MARCHF7: variants seen among roughly 807,000 people sequenced by gnomAD.
MARCHF7 encodes E3 ubiquitin-protein ligase MARCHF7.
In MARCHF7, 20 loss-of-function variants were observed where a neutral mutation model predicts 76.5. The observed-to-expected ratio is 0.26, with a 90% CI of 0.18 to 0.38. MARCHF7 has a LOEUF of 0.38. Among genes scored for constraint, MARCHF7 ranks in the 10% least tolerant of loss-of-function variants. MARCHF7 has a pLI of 1.00. For missense variants in MARCHF7, 797 were observed against 812.9 expected, an observed-to-expected ratio of 0.98 and a Z score of 0.24; for synonymous variants, 295 against 293.0, an observed-to-expected ratio of 1.01 and a Z score of -0.07.
In MARCHF7 at chr2:159,714,576, G is replaced by A. The variant is rs184993583; in HGVS notation, c.-123G>A. 1.2e-4 allele frequency: 18 copies of A among 152,310 alleles called. 1 individual carries two copies. Among genetic ancestry groups the A allele is most frequent in the Admixed American group, 9.2e-4 (14 of 15,300 alleles). The allele number at this position is 152,310 out of a possible 1,614,324, so 9.4% of individuals were successfully genotyped here. ...TTTTAGGAATTCATGATTTGTTCCT[G>A]TAGCTGAAACATACATTGAATGGTA... On this transcript the variant is annotated 5_prime_UTR_variant, in exon 2 of 12. Coordinates refer to ENST00000409175, the MANE Select transcript of MARCHF7 (RefSeq NM_001282805.2).
At chr2:159,764,502 C>A in intron 10 of MARCHF7, 124 bp from the exon 11 acceptor site, 2 of 531,408 alleles carry the variant, frequency 3.8e-6, no homozygotes, top group South Asian at 6.0e-5. Flanking sequence ...GGAGAAAAAC[C>A]CCTATTTAAA....
chr2:159,713,865 A>C (rs764103449), intron 1 of MARCHF7, among the ~76,000 whole-genome samples: 1 of 152,214 alleles, frequency 6.6e-6, no homozygotes, highest in African/African-American at 2.4e-5. Context: ...GAGAGGATTA[A>C]ATTTGCTGAG....
At chr2:159,757,884 C>G (rs1196722020) in intron 8 of MARCHF7, among the ~76,000 whole-genome samples, 1 of 152,104 alleles carries the variant, frequency 6.6e-6, no homozygotes, top group African/African-American at 2.4e-5. Flanking sequence ...GACTACAGCC[C>G]ATTTTGAGAC....
intron 7 of MARCHF7, 84 bp downstream of exon 7, chr2:159,748,987 T>TTTTTTTTTC (rs1560017930): frequency 3.2e-6 from 4 of 1,232,438 alleles, no homozygotes; most frequent in Admixed American, 3.2e-5. Context: ...TCTTTTTTTT[T>TTTTTTTTTC]TTTTTTTTTG....
chr2:159,747,102 T>A (rs1246010951), intron 6 of MARCHF7, among the ~76,000 whole-genome samples: 2 of 152,198 alleles, frequency 1.3e-5, no homozygotes, highest in Non-Finnish European at 2.9e-5. Context: ...CCTGTAGTAT[T>A]TCTCATCCCA....
At chr2:159,743,927 A>G (rs4664300) in intron 5 of MARCHF7, among the ~76,000 whole-genome samples, 50,851 of 147,072 alleles carry the variant, frequency 0.35, 9,017 homozygotes, top group South Asian at 0.45. Context: ...AAACAAATAC[A>G]GAAACTCTTG....
intron 7 of MARCHF7, among the ~76,000 whole-genome samples, chr2:159,751,498 A>AG (rs1705641071): frequency 1.3e-5 from 2 of 152,194 alleles, no homozygotes; most frequent in Admixed American, 6.5e-5. Context: ...TTTATGCTTG[A>AG]GGTTATGTCT....
chr2:159,742,486 A>C lies in MARCHF7; in HGVS notation c.154-575A>C, dbSNP rs142275109. ...AGGATTTCATTTTCAAAAAGAAAAA[A>C]ACAAATATTAGGAAAAATGATTACA... On this transcript the variant is annotated intron_variant, in intron 4 of 11. Transcript: ENST00000409175. Among the ~76,000 whole-genome samples, 437 of 152,308 alleles carry C rather than the reference A, an allele frequency of 2.9e-3. No individual in the cohort carries two copies. In the Middle Eastern group the frequency reaches 0.044, roughly 15 times the overall value.
At chr2:159,714,129 G>A (rs895920857) in intron 1 of MARCHF7, among the ~76,000 whole-genome samples, 1 of 152,092 alleles carries the variant, frequency 6.6e-6, no homozygotes, top group Non-Finnish European at 1.5e-5. Flanking sequence ...CCAATTTTTA[G>A]TCCGCTCCAT....
intron 6 of MARCHF7, among the ~76,000 whole-genome samples, chr2:159,746,935 T>C (rs1230336120): frequency 6.6e-6 from 1 of 152,234 alleles, no homozygotes; most frequent in Non-Finnish European, 1.5e-5. Context: ...AGAGCTTTAG[T>C]AGACAGTATC....
rs748870347 is a variant in MARCHF7, at chr2:159,748,584, G to A, written c.1294G>A (p.Val432Ile). 12 of 1,614,200 alleles carry A rather than the reference G, an allele frequency of 7.4e-6. No homozygotes were observed. In the Admixed American group the frequency reaches 2.0e-4, roughly 27 times the overall value. ...HIFRRESNEV[V>I]HLEAQNDPLG... ...TTTTAGAAGAGAATCAAATGAAGTG[G>A]TTCACCTTGAAGCACAGAATGATCC... is the stretch of plus-strand genomic sequence containing the variant. The change falls in exon 7 of 12, where the codon GTT (valine) becomes ATT (isoleucine). Residue 432 changes from valine (V) to isoleucine (I), a missense_variant. Around this residue, in one of 3 missense-constraint regions of MARCHF7, gnomAD observed 643 missense variants for 631.5 expected, o/e 1.02. Coordinates refer to ENST00000409175, the MANE Select transcript of MARCHF7 (RefSeq NM_001282805.2).
chr2:159,764,255 T>TGTGTGTGTGTGTGTGTGTGCGCGCGC (rs10592175), intron 10 of MARCHF7, among the ~76,000 whole-genome samples: 10 of 131,478 alleles, frequency 7.6e-5, no homozygotes, highest in East Asian at 4.6e-4. Context: ...TGTGTGTGTG[T>TGTGTGTGTGTGTGTGTGTGCGCGCGC]GCGCGCGCCC....
rs1178941869 is a variant in MARCHF7, at chr2:159,742,359, A to G, written c.154-702A>G. Among the ~76,000 whole-genome samples, 3 of 152,180 alleles carry G rather than the reference A, an allele frequency of 2.0e-5. No homozygotes were observed. In the East Asian group the frequency reaches 5.8e-4, roughly 29 times the overall value. On this transcript the variant is annotated intron_variant, in intron 4 of 11. Transcript: ENST00000409175. ...TTATTAGTTGAAAAATCTGATTTTC[A>G]TGGTAGGGTAATTCACAGTTTCTTT...
intron 7 of MARCHF7, 40 bp downstream of exon 7, chr2:159,748,943 TAGAGAA>T: frequency 3.5e-6 from 5 of 1,432,948 alleles, no homozygotes; most frequent in Non-Finnish European, 4.6e-6. Flanking sequence ...AAATCAAAAA[TAGAGAA>T]AGAACTCTTC....
intron 4 of MARCHF7, among the ~76,000 whole-genome samples, chr2:159,730,424 A>G (rs1259668682): frequency 6.6e-6 from 1 of 152,238 alleles, no homozygotes; most frequent in Non-Finnish European, 1.5e-5. Context: ...AGTAGTAAGC[A>G]TTCTTTAAGA....
chr2:159,765,228 G>T (rs2059699), intron 11 of MARCHF7, among the ~76,000 whole-genome samples: 48,283 of 151,164 alleles, frequency 0.32, 9,650 homozygotes, highest in Admixed American at 0.48. Flanking sequence ...CTTTTTGTAG[G>T]TCCTCATGGA....
intron 11 of MARCHF7, among the ~76,000 whole-genome samples, chr2:159,767,083 G>A (rs1319176776): frequency 6.6e-6 from 1 of 152,072 alleles, no homozygotes; most frequent in Non-Finnish European, 1.5e-5. Flanking sequence ...AAAACGGTGT[G>A]GGGGCGGGGA....
At chr2:159,751,573 C>T (rs1476381623) in intron 7 of MARCHF7, among the ~76,000 whole-genome samples, 1 of 152,154 alleles carries the variant, frequency 6.6e-6, no homozygotes, top group African/African-American at 2.4e-5. Context: ...AAATCTTTTG[C>T]TAAGTTCATT....
At chr2:159,724,359 T>G (rs1273375747) in intron 3 of MARCHF7, among the ~76,000 whole-genome samples, 1 of 152,192 alleles carries the variant, frequency 6.6e-6, no homozygotes, top group Non-Finnish European at 1.5e-5. Flanking sequence ...AGTGTTGGTC[T>G]TTTTTCTTTG....
Sources: gnomAD v4.1 joint callset for allele counts (sites outside exome capture counted in the v4.1 genomes callset) on GRCh38, gnomAD v4.1.1 for gene constraint, gnomAD v4.1.1 regional missense constraint, MANE v1.5 for transcripts, NCBI Gene and HGNC (gene_info 2026-07-23, HGNC 2026-07-21) for gene names.